Variants in CSMD3 observed in about 807,000 individuals in gnomAD.
CSMD3 encodes CUB and sushi domain-containing protein 3.
Under a neutral mutation model 435.2 loss-of-function variants are expected in CSMD3, and 177 were observed. The observed-to-expected ratio is 0.41, with a 90% CI of 0.36 to 0.46. The LOEUF (loss-of-function observed/expected upper bound fraction) is 0.46. Among genes scored for constraint, CSMD3 ranks in the 20% least tolerant of loss-of-function variants. The pLI is 0.34. For missense variants in CSMD3, 4,265 were observed against 4,504.6 expected, an observed-to-expected ratio of 0.95 and a Z score of 1.52; for synonymous variants, 1,656 against 1,520.5, an observed-to-expected ratio of 1.09 and a Z score of -2.07.
chr8:112,633,789 T>C (rs1356647771), intron 22 of CSMD3, among the ~76,000 whole-genome samples: 1 of 152,032 alleles, frequency 6.6e-6, no homozygotes, highest in African/African-American at 2.4e-5. Flanking sequence ...TCAGTTCCCT[T>C]ACTATCCAGA....
At chr8:113,251,274 C>T (rs2093332838) in intron 3 of CSMD3, among the ~76,000 whole-genome samples, 1 of 151,928 alleles carries the variant, frequency 6.6e-6, no homozygotes, top group Non-Finnish European at 1.5e-5. Context: ...CAGTAGGAAG[C>T]ACAAAGAATT....
chr8:113,233,940 T>A (rs2093119400), intron 3 of CSMD3, among the ~76,000 whole-genome samples: 1 of 152,048 alleles, frequency 6.6e-6, no homozygotes, highest in Non-Finnish European at 1.5e-5. Flanking sequence ...CACATTTTCA[T>A]ATTGACAGCT....
intron 12 of CSMD3, among the ~76,000 whole-genome samples, chr8:112,810,880 G>A (rs2079206852): frequency 6.6e-6 from 1 of 151,896 alleles, no homozygotes; most frequent in Non-Finnish European, 1.5e-5. Flanking sequence ...GATGTCATGA[G>A]GATCTACAAA....
intron 38 of CSMD3, among the ~76,000 whole-genome samples, chr8:112,369,579 G>A (rs62514449): frequency 0.39 from 59,817 of 151,778 alleles, 13,257 homozygotes; most frequent in Middle Eastern, 0.54. Flanking sequence ...GGATGAAGCT[G>A]GAAACCATCA....
chr8:112,733,103 T>C (rs969221340), intron 13 of CSMD3, among the ~76,000 whole-genome samples: 10 of 152,256 alleles, frequency 6.6e-5, no homozygotes, highest in African/African-American at 2.4e-4. Context: ...TAAGAATGAT[T>C]CCACCTCCCT....
intron 6 of CSMD3, among the ~76,000 whole-genome samples, chr8:112,978,890 A>G (rs1196278994): frequency 6.6e-6 from 1 of 151,964 alleles, no homozygotes; most frequent in East Asian, 1.9e-4. Flanking sequence ...ATCAGAAGAA[A>G]TAATAAATAA....
rs1400119781 is a variant in CSMD3 at position 112,301,679 on chromosome 8, A to G, written c.8440+114T>C. ...AAAGATAAGTATTTTCTGGTTTTTA[A>G]CATACTTACTGAATGAATATAAATT... On this transcript the variant is annotated intron_variant, in intron 53 of 70. Transcript: ENST00000297405. 16 of 792,864 alleles carry G rather than the reference A, an allele frequency of 2.0e-5. No individual in the cohort carries two copies. The Admixed American group carries it at 3.4e-4, about 17-fold the overall frequency. 49.1% of individuals were successfully genotyped at this position (792,864 alleles called of 1,614,324 possible).
chr8:113,087,483 C>G (rs1220442898), intron 5 of CSMD3, among the ~76,000 whole-genome samples: 1 of 152,204 alleles, frequency 6.6e-6, no homozygotes, highest in Non-Finnish European at 1.5e-5. Context: ...GTAACCAAAA[C>G]AGCATGGTAC....
intron 13 of CSMD3, among the ~76,000 whole-genome samples, chr8:112,692,337 T>A (rs1384832531): frequency 2.6e-5 from 4 of 152,178 alleles, no homozygotes; most frequent in Non-Finnish European, 1.5e-5. Context: ...TTGTAGCTTA[T>A]GTTTTGGTTT....
chr8:113,017,100 G>A (rs1043707997), intron 6 of CSMD3, among the ~76,000 whole-genome samples: 8 of 151,800 alleles, frequency 5.3e-5, no homozygotes, highest in African/African-American at 1.9e-4. Context: ...CTGTTATATC[G>A]ATATAAATCC....
chr8:113,377,127 C>G, intron 1 of CSMD3: 6 of 1,258,336 alleles, frequency 4.8e-6, no homozygotes, highest in Non-Finnish European at 6.1e-6. Flanking sequence ...TCCGGCTCTC[C>G]GGTCCTCCAA....
intron 10 of CSMD3, among the ~76,000 whole-genome samples, chr8:112,878,455 T>TAC (rs1397346439): frequency 2.6e-5 from 4 of 152,320 alleles, no homozygotes; most frequent in African/African-American, 9.6e-5. Flanking sequence ...GGAACACTTT[T>TAC]ACACTGTTGG....
chr8:113,014,176 T>C (rs538072493), intron 6 of CSMD3, among the ~76,000 whole-genome samples: 1 of 152,224 alleles, frequency 6.6e-6, no homozygotes, highest in South Asian at 2.1e-4. Context: ...ACAGCTAACG[T>C]TCCTATTTCT....
In CSMD3 at chr8:112,865,477, G is replaced by A. The variant is rs569878419; in HGVS notation, c.1634-6211C>T. On this transcript the variant is annotated intron_variant, in intron 10 of 70. Transcript: ENST00000297405. ...GGACTTTTGTAATCTTACTCCAACA[G>A]ATTCTTAGAATTTGTAAATTCTGTA... Among the ~76,000 whole-genome samples, 8 of 152,090 alleles carry A rather than the reference G, an allele frequency of 5.3e-5. No individual in the cohort carries two copies. In the South Asian group the frequency reaches 1.5e-3, roughly 28 times the overall value.
intron 27 of CSMD3, among the ~76,000 whole-genome samples, chr8:112,544,083 G>A (rs1314738319): frequency 6.6e-6 from 1 of 152,084 alleles, no homozygotes; most frequent in African/African-American, 2.4e-5. Flanking sequence ...TGGGATATGA[G>A]AGTTACTAAT....
chr8:112,513,779 C>G (rs1441007198), intron 28 of CSMD3, among the ~76,000 whole-genome samples: 1 of 151,980 alleles, frequency 6.6e-6, no homozygotes, highest in Non-Finnish European at 1.5e-5. Context: ...CAAAAAAGAC[C>G]AGAATGATAG....
At chr8:112,801,761 G>A (rs973311904) in intron 12 of CSMD3, among the ~76,000 whole-genome samples, 3 of 151,952 alleles carry the variant, frequency 2.0e-5, no homozygotes, top group Non-Finnish European at 2.9e-5. Flanking sequence ...CCAGCTTGGA[G>A]GCAGAATAGA....
chr8:113,361,390 G>A (rs1433687765), intron 1 of CSMD3, among the ~76,000 whole-genome samples: 1 of 151,912 alleles, frequency 6.6e-6, no homozygotes, highest in Non-Finnish European at 1.5e-5. Flanking sequence ...TATGTCGATG[G>A]AAAAAGACAT....
At chr8:113,357,206 C>T (rs143368987) in intron 1 of CSMD3, among the ~76,000 whole-genome samples, 11 of 152,266 alleles carry the variant, frequency 7.2e-5, no homozygotes, top group African/African-American at 2.4e-4. Flanking sequence ...GTTTCAAAAC[C>T]TGCAATAAGC....
Sources: allele counts gnomAD v4.1 joint callset (sites outside exome capture counted in the v4.1 genomes callset), GRCh38; gene constraint gnomAD v4.1.1; transcripts MANE v1.5; gene names NCBI Gene and HGNC (gene_info 2026-07-23, HGNC 2026-07-21).